The following ASIC2 variants were observed in gnomAD, a reference collection of about 807,000 sequenced individuals.
ASIC2 encodes acid sensing ion channel subunit 2, also known as acid-sensing ion channel 2.
In ASIC2, 25 loss-of-function variants were observed where a neutral mutation model predicts 57.3. The ratio of observed to expected loss-of-function variants is 0.44; its 90% CI spans 0.32 to 0.61. The LOEUF (loss-of-function observed/expected upper bound fraction) is 0.61, where lower values mean the gene tolerates loss of function less well. Ranked by LOEUF, ASIC2 falls within the 20% of genes least tolerant of loss-of-function variation. The pLI, the probability that ASIC2 is intolerant of heterozygous loss-of-function variation, is 0.06. For synonymous variants in ASIC2, 319 were observed against 307.5 expected (o/e 1.04, Z -0.39); for missense variants, 641 against 738.1 (o/e 0.87, Z 1.52).
chr17:33,898,430 G>T (rs762860655), intron 1 of ASIC2, among the ~76,000 whole-genome samples: 6 of 151,506 alleles, frequency 4.0e-5, no homozygotes, highest in Non-Finnish European at 8.8e-5. Flanking sequence ...TAGAGACGGG[G>T]TTTCACCATG....
intron 1 of ASIC2, among the ~76,000 whole-genome samples, chr17:33,728,464 T>A (rs1909633599): frequency 6.6e-6 from 1 of 152,196 alleles, no homozygotes; most frequent in Admixed American, 6.5e-5. Context: ...CCCCTAGCTC[T>A]CTCTTACCAG....
intron 1 of ASIC2, among the ~76,000 whole-genome samples, chr17:33,353,728 C>G (rs1908269584): frequency 6.6e-6 from 1 of 152,060 alleles, no homozygotes; most frequent in Non-Finnish European, 1.5e-5. Flanking sequence ...CCTAGGAGTC[C>G]CATAGGTCTT....
At chr17:33,956,859 A>G (rs780524956) in intron 1 of ASIC2, among the ~76,000 whole-genome samples, 3 of 152,296 alleles carry the variant, frequency 2.0e-5, no homozygotes, top group Non-Finnish European at 4.4e-5. Context: ...TTCTGATGGC[A>G]TATGCCTCAC....
chr17:34,156,359 C>T lies in ASIC2; in HGVS notation c.174G>A (p.Val58=). The change falls in exon 1 of 10, where the codon GTG becomes GTA. Residue 58 remains valine (V), a synonymous_variant. Transcript: ENST00000359872. This position sits in a 1 kb window ranked among gnomAD's most constrained non-coding sequence, Gnocchi z 4.4. ...AGTAGGACACCCTCTCAGAGCTCTC[C>T]ACCAGCAGCAGGCCCAGAGAGCCCA... The T allele has an allele frequency of 6.2e-7, 1 of 1,614,208 alleles. No homozygotes were observed. Among genetic ancestry groups the T allele is most frequent in the Non-Finnish European group, 8.5e-7 (1 of 1,180,038 alleles).
chr17:33,768,387 C>G (rs549934615), intron 1 of ASIC2, among the ~76,000 whole-genome samples: 91 of 152,168 alleles, frequency 6.0e-4, no homozygotes, highest in Middle Eastern at 3.4e-3. Context: ...ATCTAAGGGT[C>G]TAGAATCTCC....
In ASIC2 at chr17:33,013,365, G is replaced by A. The variant is rs760750801; in HGVS notation, c.*600C>T. 4.5e-5 allele frequency: 7 copies of A among 154,764 alleles called. No homozygotes were observed. The highest frequency in any genetic ancestry group is 8.6e-5 in the Non-Finnish European group (6 of 69,464). The allele number at this position is 154,764 out of a possible 1,614,324, so 9.6% of individuals were successfully genotyped here. ...TCCCCCACCCGCTGGCTGCTGTGCC[G>A]CCGTCATAGGCACTGGGGGGGAGGG... On this transcript the variant is annotated 3_prime_UTR_variant, in exon 10 of 10. Coordinates refer to ENST00000225823, the MANE Select transcript of ASIC2 (RefSeq NM_183377.2).
intron 1 of ASIC2, among the ~76,000 whole-genome samples, chr17:34,141,246 T>C (rs923061030): frequency 2.0e-5 from 3 of 151,942 alleles, no homozygotes; most frequent in African/African-American, 7.3e-5. Context: ...CCTTGACAAC[T>C]GGGAATAAGG....
chr17:33,339,951 G>A (rs1597689865), intron 1 of ASIC2, among the ~76,000 whole-genome samples: 1 of 152,232 alleles, frequency 6.6e-6, no homozygotes, highest in Non-Finnish European at 1.5e-5. Flanking sequence ...ACACACCCCT[G>A]CATTTCATAG....
chr17:33,343,453 T>A (rs1445919951), intron 1 of ASIC2, among the ~76,000 whole-genome samples: 1 of 152,206 alleles, frequency 6.6e-6, no homozygotes, highest in Non-Finnish European at 1.5e-5. Context: ...CACTCCCTGA[T>A]GCCTGTCATT....
intron 1 of ASIC2, among the ~76,000 whole-genome samples, chr17:33,666,820 G>A (rs368772271): frequency 1.9e-4 from 29 of 152,160 alleles, no homozygotes; most frequent in South Asian, 4.1e-4. Context: ...CCCCAGAATC[G>A]TTTCTCTGCT....
At chr17:34,125,300 T>A (rs996052807) in intron 1 of ASIC2, among the ~76,000 whole-genome samples, 28 of 152,084 alleles carry the variant, frequency 1.8e-4, no homozygotes, top group African/African-American at 6.8e-4. Context: ...GCACACAATG[T>A]GTATACGTGT....
chr17:33,530,769 C>A (rs1915027709), intron 1 of ASIC2, among the ~76,000 whole-genome samples: 1 of 152,170 alleles, frequency 6.6e-6, no homozygotes, highest in Non-Finnish European at 1.5e-5. Flanking sequence ...CTCACAGGTA[C>A]CAAGGGGTTG....
intron 1 of ASIC2, among the ~76,000 whole-genome samples, chr17:33,179,452 A>G (rs945879267): frequency 6.6e-6 from 1 of 152,224 alleles, no homozygotes; most frequent in Non-Finnish European, 1.5e-5. Context: ...ATGTTGTCAA[A>G]AGGATCCCTG....
At chr17:33,730,686 G>A (rs1050879707) in intron 1 of ASIC2, among the ~76,000 whole-genome samples, 17 of 152,102 alleles carry the variant, frequency 1.1e-4, no homozygotes, top group Admixed American at 5.9e-4. Flanking sequence ...TTCTTGAGAC[G>A]CTTCAAGGAG....
intron 1 of ASIC2, among the ~76,000 whole-genome samples, chr17:33,435,707 G>A (rs1273051366): frequency 2.0e-5 from 3 of 152,158 alleles, no homozygotes; most frequent in Non-Finnish European, 4.4e-5. Flanking sequence ...AAACAAACCA[G>A]ACTGAATTAG....
At chr17:33,513,114 G>C (rs1378726431) in intron 1 of ASIC2, among the ~76,000 whole-genome samples, 1 of 152,260 alleles carries the variant, frequency 6.6e-6, no homozygotes, top group African/African-American at 2.4e-5. Flanking sequence ...GGGTATAAAT[G>C]ATGAGGGTGC....
intron 1 of ASIC2, among the ~76,000 whole-genome samples, chr17:33,564,144 C>T (rs549012459): frequency 1.3e-5 from 2 of 152,118 alleles, no homozygotes; most frequent in Admixed American, 6.5e-5. Context: ...TGAGATGAAC[C>T]GGATAAAGGT....
intron 1 of ASIC2, among the ~76,000 whole-genome samples, chr17:33,173,694 G>C (rs1209576884): frequency 1.3e-5 from 2 of 152,224 alleles, no homozygotes; most frequent in Non-Finnish European, 2.9e-5. Flanking sequence ...TTTAACAGCT[G>C]TGAGATCTTG....
chr17:33,820,649 T>G (rs1261517362), intron 1 of ASIC2, among the ~76,000 whole-genome samples: 1 of 152,182 alleles, frequency 6.6e-6, no homozygotes, highest in Non-Finnish European at 1.5e-5. Context: ...ATTCTGAAAT[T>G]AAATAAAACT....
Sources: gnomAD v4.1 joint callset for allele counts (sites outside exome capture counted in the v4.1 genomes callset) on GRCh38, gnomAD v4.1.1 for gene constraint, Gnocchi (gnomAD v3.1) non-coding constraint, MANE v1.5 for transcripts, NCBI Gene and HGNC (gene_info 2026-07-23, HGNC 2026-07-21) for gene names.